Variants in ZDHHC15 observed in about 807,000 individuals in gnomAD.
The protein encoded by ZDHHC15 is palmitoyltransferase ZDHHC15.
In ZDHHC15, 19 loss-of-function variants were observed where a neutral mutation model predicts 31.7. The ratio of observed to expected loss-of-function variants is 0.60; its 90% confidence interval spans 0.42 to 0.88. The LOEUF is 0.88. Among genes scored for constraint, ZDHHC15 ranks in the 40% least tolerant of loss-of-function variants. The pLI is 0.00. For missense variants in ZDHHC15, 209 were observed against 251.2 expected, an observed-to-expected ratio of 0.83 and a Z score of 1.14; for synonymous variants, 103 against 90.0, an observed-to-expected ratio of 1.14 and a Z score of -0.82.
intron 10 of ZDHHC15, among the ~76,000 whole-genome samples, chrX:75,412,348 G>A (rs907232347): frequency 3.6e-5 from 4 of 111,653 alleles, no homozygotes; most frequent in Non-Finnish European, 5.6e-5. Flanking sequence ...ATTATTCACC[G>A]TAACTAAGCT....
At chrX:75,509,899 C>T (rs1411106645) in intron 1 of ZDHHC15, among the ~76,000 whole-genome samples, 1 of 111,714 alleles carries the variant, frequency 9.0e-6, no homozygotes, top group Non-Finnish European at 1.9e-5. Flanking sequence ...GTTATGGTTC[C>T]CAGAGTTACA....
At chrX:75,502,907 T>TA (rs1377406376) in intron 2 of ZDHHC15, among the ~76,000 whole-genome samples, 1 of 111,155 alleles carries the variant, frequency 9.0e-6, no homozygotes, top group African/African-American at 3.3e-5. Context: ...CTCACATATT[T>TA]AAAAAAGATC....
At chrX:75,465,652 A>G (rs2084391799) in intron 3 of ZDHHC15, among the ~76,000 whole-genome samples, 1 of 111,482 alleles carries the variant, frequency 9.0e-6, no homozygotes, top group African/African-American at 3.3e-5. Flanking sequence ...CCACACGCCA[A>G]AAACATGTGA....
At chrX:75,407,515 C>T (rs2083430115) in intron 10 of ZDHHC15, among the ~76,000 whole-genome samples, 1 of 110,971 alleles carries the variant, frequency 9.0e-6, no homozygotes, top group East Asian at 2.9e-4. Context: ...GGGGGCAGCC[C>T]CCGCCCGGCC....
At chrX:75,399,993 G>A (rs1024123232) in intron 10 of ZDHHC15, among the ~76,000 whole-genome samples, 1 of 111,729 alleles carries the variant, frequency 9.0e-6, no homozygotes. Flanking sequence ...AAGCTACACT[G>A]CAGTTAAAGA....
intron 4 of ZDHHC15, among the ~76,000 whole-genome samples, chrX:75,447,624 T>G (rs2084052143): frequency 8.9e-6 from 1 of 111,810 alleles, no homozygotes; most frequent in African/African-American, 3.2e-5. Flanking sequence ...TAGATGATGC[T>G]GATTCTCTGA....
At position 75,371,265 on chromosome X, in the gene ZDHHC15, A is replaced by C. The variant is rs755525256; in HGVS notation, c.*1713T>G. ...TATTTTGAGAAAGAGTGTAAGGGGA[A>C]ATTTTTTTCCATCTGAATATATAAG... On this transcript the variant is annotated 3_prime_UTR_variant, in exon 12 of 12. Coordinates refer to ENST00000373367, the MANE Select transcript of ZDHHC15 (RefSeq NM_144969.3). 9.0e-6 allele frequency: 1 copy of C among 111,717 alleles called. No individual in the cohort carries two copies. The highest frequency in any genetic ancestry group is 3.2e-5 in the African/African-American group (1 of 30,781). 9.2% of individuals were successfully genotyped at this position (111,717 alleles called of 1,213,427 possible). A position where few individuals can be genotyped will look rare whatever the true frequency, so the allele number is the denominator to read the frequency against.
intron 3 of ZDHHC15, among the ~76,000 whole-genome samples, chrX:75,452,607 C>T (rs1172910379): frequency 9.0e-6 from 1 of 111,721 alleles, no homozygotes; most frequent in Non-Finnish European, 1.9e-5. Context: ...CACCACATCG[C>T]ACTTATTCCA....
chrX:75,471,569 G>C (rs958856027), intron 3 of ZDHHC15, among the ~76,000 whole-genome samples: 1 of 112,270 alleles, frequency 8.9e-6, no homozygotes, highest in Non-Finnish European at 1.9e-5. Context: ...CTACAACCAA[G>C]AAATTAGCAC....
chrX:75,474,448 T>TACACAC (rs752694258), intron 3 of ZDHHC15, among the ~76,000 whole-genome samples: 25 of 78,656 alleles, frequency 3.2e-4, no homozygotes, highest in African/African-American at 1.2e-3. Context: ...TATATATATA[T>TACACAC]ACACACACAC....
chrX:75,438,421 C>T (rs1448761985), intron 4 of ZDHHC15, among the ~76,000 whole-genome samples: 2 of 102,453 alleles, frequency 2.0e-5, no homozygotes, highest in Non-Finnish European at 4.0e-5. Context: ...TAATGTCCCT[C>T]TTTGTCTTTT....
intron 1 of ZDHHC15, among the ~76,000 whole-genome samples, chrX:75,517,437 G>A (rs2085374944): frequency 9.1e-6 from 1 of 109,341 alleles, no homozygotes; most frequent in Admixed American, 9.8e-5. Context: ...GTCCTTTGTA[G>A]GGACATGGAT....
intron 3 of ZDHHC15, among the ~76,000 whole-genome samples, chrX:75,467,713 A>G (rs1379788690): frequency 3.6e-5 from 4 of 112,525 alleles, no homozygotes; most frequent in Non-Finnish European, 7.5e-5. Flanking sequence ...TACAAGCTTC[A>G]TAAGGTGATG....
chrX:75,421,791 A>G (rs1281355701), intron 9 of ZDHHC15, 73 bp downstream of exon 9: 3 of 1,115,299 alleles, frequency 2.7e-6, no homozygotes, highest in African/African-American at 1.8e-5. Flanking sequence ...GCTGCATACT[A>G]CAATCAAAAT....
intron 4 of ZDHHC15, among the ~76,000 whole-genome samples, chrX:75,433,685 GTGTGTGTGTGTGTA>G (rs1247082510): frequency 1.9e-3 from 22 of 11,539 alleles, no homozygotes; most frequent in Non-Finnish European, 3.9e-3. Flanking sequence ...GTGTGTGTGT[GTGTGTGTGTGTGTA>G]TATATATATA....
At chrX:75,470,480 T>C (rs1393378489) in intron 3 of ZDHHC15, among the ~76,000 whole-genome samples, 2 of 111,289 alleles carry the variant, frequency 1.8e-5, no homozygotes. Flanking sequence ...AGGAACATAA[T>C]CTTTCTCCCA....
chrX:75,385,556 G>C (rs2083170271), intron 10 of ZDHHC15, among the ~76,000 whole-genome samples: 2 of 111,675 alleles, frequency 1.8e-5, no homozygotes, highest in African/African-American at 6.5e-5. Context: ...AAGAGGTGCA[G>C]AGAATACTGA....
chrX:75,441,522 C>G (rs1484173292), intron 4 of ZDHHC15, among the ~76,000 whole-genome samples: 1 of 111,422 alleles, frequency 9.0e-6, no homozygotes, highest in Admixed American at 9.6e-5. Context: ...TGGGCACTCA[C>G]AGGTTTTTGG....
intron 11 of ZDHHC15, among the ~76,000 whole-genome samples, chrX:75,375,001 C>G (rs768151044): frequency 1.8e-5 from 2 of 110,878 alleles, no homozygotes; most frequent in African/African-American, 6.6e-5. Context: ...CAGATGTAAA[C>G]GTATTTCAAA....
Sources: gnomAD v4.1 joint callset for allele counts (sites outside exome capture counted in the v4.1 genomes callset) on GRCh38, gnomAD v4.1.1 for gene constraint, MANE v1.5 for transcripts, NCBI Gene and HGNC (gene_info 2026-07-23, HGNC 2026-07-21) for gene names.